The following LRRC28 variants were observed in gnomAD, a reference collection of about 807,000 sequenced individuals.
LRRC28 encodes leucine-rich repeat-containing protein 28.
In LRRC28, 39 loss-of-function variants were observed where a neutral mutation model predicts 45.7. The observed-to-expected ratio is 0.85, with a 90% CI of 0.66 to 1.12. The LOEUF (loss-of-function observed/expected upper bound fraction) is 1.12. Among genes scored for constraint, LRRC28 ranks in the 50% most tolerant of loss-of-function variants. The pLI, the probability that LRRC28 is intolerant of heterozygous loss-of-function variation, is 0.00. For synonymous variants in LRRC28, 206 were observed against 178.8 expected, an observed-to-expected ratio of 1.15 and a Z score of -1.22; for missense variants, 435 against 438.5, an observed-to-expected ratio of 0.99 and a Z score of 0.07.
intron 7 of LRRC28, among the ~76,000 whole-genome samples, chr15:99,352,803 C>T (rs887063905): frequency 7.2e-5 from 11 of 152,126 alleles, no homozygotes; most frequent in Non-Finnish European, 1.5e-4. Flanking sequence ...GTACCTACCA[C>T]ACATACCGTT....
chr15:99,364,630 A>G (rs1957293580), intron 9 of LRRC28, among the ~76,000 whole-genome samples: 1 of 152,214 alleles, frequency 6.6e-6, no homozygotes, highest in Non-Finnish European at 1.5e-5. Context: ...ACAGTGGTGA[A>G]GTGCACAGGC....
At chr15:99,286,139 T>G (rs1232495893) in intron 3 of LRRC28, among the ~76,000 whole-genome samples, 1 of 152,216 alleles carries the variant, frequency 6.6e-6, no homozygotes, top group Non-Finnish European at 1.5e-5. Context: ...GTTTGTTTGT[T>G]TTTGTTTTTG....
At chr15:99,329,276 C>G (rs1012165527) in intron 5 of LRRC28, among the ~76,000 whole-genome samples, 1 of 152,174 alleles carries the variant, frequency 6.6e-6, no homozygotes, top group Non-Finnish European at 1.5e-5. Flanking sequence ...ACCAGACTTT[C>G]AAACAGACAG....
chr15:99,316,907 A>G (rs1223546961), intron 5 of LRRC28, among the ~76,000 whole-genome samples: 1 of 152,044 alleles, frequency 6.6e-6, no homozygotes, highest in Non-Finnish European at 1.5e-5. Flanking sequence ...GCATGATCAT[A>G]GCTCACTGCA....
chr15:99,296,087 G>C (rs2082254366), intron 5 of LRRC28, among the ~76,000 whole-genome samples: 1 of 152,188 alleles, frequency 6.6e-6, no homozygotes, highest in African/African-American at 2.4e-5. Context: ...TAGGGCTTCT[G>C]CTGTTGCTTA....
rs1189370902 is a variant in LRRC28 at position 99,377,803 on chromosome 15, CT to C, written c.1032-8224del. The stretch of plus-strand genomic sequence containing the variant: ...AGCACCATTTATTAAATAGGGAATC[CT>C]TTCCCCATTTCTTGTTTTTGTCAGG... On this transcript the variant is annotated intron_variant, in intron 9 of 9. Coordinates refer to ENST00000301981, the MANE Select transcript of LRRC28 (RefSeq NM_144598.5). 3.9e-5 allele frequency among the ~76,000 whole-genome samples: 6 copies of C among 152,204 alleles called. No individual in the cohort carries two copies. The East Asian group carries it at 1.2e-3, about 29-fold the overall frequency.
chr15:99,289,530 G>A (rs945302601), intron 5 of LRRC28, among the ~76,000 whole-genome samples: 16 of 152,082 alleles, frequency 1.1e-4, no homozygotes, highest in Admixed American at 9.8e-4. Context: ...AAAATCTATG[G>A]TATTTCTTTG....
chr15:99,338,326 A>C (rs971902727), intron 6 of LRRC28: 1 of 152,426 alleles, frequency 6.6e-6, no homozygotes, highest in African/African-American at 2.4e-5. Flanking sequence ...AAAGCCATCT[A>C]ATGCTAAGAA....
chr15:99,298,948 A>T (rs758127424), intron 5 of LRRC28, among the ~76,000 whole-genome samples: 1 of 152,196 alleles, frequency 6.6e-6, no homozygotes, highest in Admixed American at 6.5e-5. Flanking sequence ...ACCTCAGGCA[A>T]TCTGCCTGCC....
At chr15:99,291,878 AGTATT>A (rs1196711845) in intron 5 of LRRC28, among the ~76,000 whole-genome samples, 1 of 152,208 alleles carries the variant, frequency 6.6e-6, no homozygotes, top group Non-Finnish European at 1.5e-5. Flanking sequence ...GGTGTGAAGT[AGTATT>A]GCATTTTTTT....
In LRRC28 at chr15:99,275,401, C is replaced by G. The variant is rs2081591150; in HGVS notation, c.169-1175C>G. Among the ~76,000 whole-genome samples the G allele has an allele frequency of 2.0e-5, 3 of 152,356 alleles. No homozygotes were observed. In the South Asian group the frequency reaches 6.2e-4, roughly 32 times the overall value. ...CTGATGTCTGGACCTGTGGCCAGGTCTGACACTCCCTTGGACCACATGAGC... is the reference window on the plus strand; with the variant it reads ...CTGATGTCTGGACCTGTGGCCAGGTGTGACACTCCCTTGGACCACATGAGC... On this transcript the variant is annotated intron_variant, in intron 2 of 9. Coordinates refer to ENST00000301981, the MANE Select transcript of LRRC28 (RefSeq NM_144598.5).
intron 8 of LRRC28, among the ~76,000 whole-genome samples, chr15:99,362,387 A>G (rs1355776077): frequency 1.3e-5 from 2 of 152,216 alleles, no homozygotes; most frequent in Non-Finnish European, 2.9e-5. Flanking sequence ...CTTCCCAAAG[A>G]TGAGTTGATA....
At chr15:99,272,340 T>C (rs1220888620) in intron 2 of LRRC28, among the ~76,000 whole-genome samples, 3 of 152,194 alleles carry the variant, frequency 2.0e-5, no homozygotes, top group Non-Finnish European at 4.4e-5. Context: ...GTGAGGTCTT[T>C]TGCACTCAAT....
intron 9 of LRRC28, among the ~76,000 whole-genome samples, chr15:99,382,922 T>C (rs761516936): frequency 2.4e-4 from 37 of 152,270 alleles, no homozygotes; most frequent in Non-Finnish European, 4.4e-4. Context: ...TTTGGATTTA[T>C]CTATTTCTCC....
At chr15:99,337,654 A>C (rs1481717888) in intron 6 of LRRC28, among the ~76,000 whole-genome samples, 1 of 152,244 alleles carries the variant, frequency 6.6e-6, no homozygotes, top group African/African-American at 2.4e-5. Context: ...ATGTGGTGTC[A>C]AAGAACTTTA....
At chr15:99,261,546 C>T (rs896404781) in intron 2 of LRRC28, among the ~76,000 whole-genome samples, 1 of 152,156 alleles carries the variant, frequency 6.6e-6, no homozygotes, top group Non-Finnish European at 1.5e-5. Flanking sequence ...GGTCTCTCCC[C>T]GACCTCTTTT....
intron 9 of LRRC28, among the ~76,000 whole-genome samples, chr15:99,368,262 T>C (rs1957393371): frequency 1.3e-5 from 2 of 152,076 alleles, no homozygotes; most frequent in Admixed American, 1.3e-4. Context: ...GGCAAAACTC[T>C]CCAGCTATGA....
At chr15:99,295,134 G>C (rs1597268851) in intron 5 of LRRC28, among the ~76,000 whole-genome samples, 1 of 152,330 alleles carries the variant, frequency 6.6e-6, no homozygotes, top group Non-Finnish European at 1.5e-5. Flanking sequence ...GAGTTACCCT[G>C]TCATGTCTGG....
At chr15:99,279,817 T>G (rs1438210215) in intron 3 of LRRC28, among the ~76,000 whole-genome samples, 2 of 152,192 alleles carry the variant, frequency 1.3e-5, no homozygotes, top group East Asian at 3.8e-4. Flanking sequence ...TCTCATTGTT[T>G]TTATGGAAGA....
Sources: gnomAD v4.1 joint callset for allele counts (sites outside exome capture counted in the v4.1 genomes callset) on GRCh38, gnomAD v4.1.1 for gene constraint, MANE v1.5 for transcripts, NCBI Gene and HGNC (gene_info 2026-07-23, HGNC 2026-07-21) for gene names.